The following STMN3 variants were observed in gnomAD, a reference collection of about 807,000 sequenced individuals.
STMN3 encodes the protein stathmin 3.
A neutral mutation model predicts 23.2 loss-of-function variants in STMN3; 24 were observed. The observed-to-expected ratio is 1.03, with a 90% confidence interval of 0.75 to 1.45. The LOEUF (loss-of-function observed/expected upper bound fraction) is 1.45. Ranked by LOEUF, STMN3 falls within the 40% of genes most tolerant of loss-of-function variation. STMN3 has a pLI of 0.00. For missense variants in STMN3, 235 were observed against 237.6 expected, an observed-to-expected ratio of 0.99 and a Z score of 0.07; for synonymous variants, 117 against 103.4, an observed-to-expected ratio of 1.13 and a Z score of -0.80.
intron 1 of STMN3, 43 bp from the exon 2 acceptor site, chr20:63,644,352 G>T (rs930174688): frequency 4.2e-5 from 63 of 1,490,240 alleles, no homozygotes; most frequent in Non-Finnish European, 5.3e-5. Flanking sequence ...ACTGGGGCCT[G>T]CCCACCTGGG....
chr20:63,645,620 T>C (rs1424790583), intron 1 of STMN3, among the ~76,000 whole-genome samples: 1 of 152,214 alleles, frequency 6.6e-6, no homozygotes, highest in East Asian at 1.9e-4. Flanking sequence ...ACCTCATTCC[T>C]AAGCAGACAC....
Position 63,641,033 on chromosome 20 carries a change from C to A in STMN3, c.*305G>T. 2.1e-6 allele frequency: 1 copy of A among 481,770 alleles called. No individual in the cohort carries two copies. The highest frequency in any genetic ancestry group is 3.9e-5 in the East Asian group (1 of 25,956). The allele number at this position is 481,770 out of a possible 1,614,324, so 29.8% of individuals were successfully genotyped here. ...CGTAAGGACCCGTGATCCCACGCCA[C>A]CGCCCTGGGTTTACCACGGTCACCG... On this transcript the variant is annotated 3_prime_UTR_variant, in exon 5 of 5. Transcript: ENST00000370053.
chr20:63,647,993 C>CACAG (rs199738773), intron 1 of STMN3, among the ~76,000 whole-genome samples: 917 of 87,078 alleles, frequency 0.011, 42 homozygotes, highest in Middle Eastern at 0.035. Context: ...TATATATATA[C>CACAG]AGAGAGAGAG....
chr20:63,643,348 C>G (rs1294048361), intron 3 of STMN3, among the ~76,000 whole-genome samples: 1 of 152,176 alleles, frequency 6.6e-6, no homozygotes, highest in Non-Finnish European at 1.5e-5. Context: ...GTGGCGCAGT[C>G]TCGGCTCACT....
At position 63,644,669 on chromosome 20, in the gene STMN3, A is replaced by G. The variant is rs555765965; in HGVS notation, c.20-360T>C. On this transcript the variant is annotated intron_variant, in intron 1 of 4. Coordinates refer to ENST00000370053, the MANE Select transcript of STMN3 (RefSeq NM_015894.4). ...CCATTACCCAAAACTCATGTGTTGA[A>G]ATCGTAACCCCAAGGTGCCGGTGTG... Among the ~76,000 whole-genome samples, 32 of 152,260 alleles carry G rather than the reference A, an allele frequency of 2.1e-4. No homozygotes were observed. The East Asian group carries it at 6.0e-3, about 28-fold the overall frequency.
At chr20:63,641,631 C>G (rs2146112333) in intron 4 of STMN3, among the ~76,000 whole-genome samples, 1 of 152,312 alleles carries the variant, frequency 6.6e-6, no homozygotes, top group South Asian at 2.1e-4. Context: ...TAGCTCGTAC[C>G]GGAGCCGAGC....
rs1321807965 is a variant in STMN3, at chr20:63,640,045, A to G, written c.*1293T>C. 6.5e-6 allele frequency: 1 copy of G among 152,986 alleles called. No homozygotes were observed. The highest frequency in any genetic ancestry group is 1.9e-4 in the East Asian group (1 of 5,318). The allele number at this position is 152,986 out of a possible 1,614,324, so 9.5% of individuals were successfully genotyped here. On this transcript the variant is annotated 3_prime_UTR_variant, in exon 5 of 5. Transcript: ENST00000370053. Reference sequence around the variant, plus strand: ...GGGTGTGACTCTGGAAGACACTGGCAGTGCCCGGCCAAGGCCTCCCGCAGG... The same window carrying G: ...GGGTGTGACTCTGGAAGACACTGGCGGTGCCCGGCCAAGGCCTCCCGCAGG...
chr20:63,645,489 GCTGC>G (rs1285379875), intron 1 of STMN3, among the ~76,000 whole-genome samples: 4 of 152,206 alleles, frequency 2.6e-5, no homozygotes, highest in Non-Finnish European at 5.9e-5. Context: ...CAGTGTCCCT[GCTGC>G]CCAACCCAAA....
At chr20:63,653,003 C>A (rs1436880055) in intron 1 of STMN3, among the ~76,000 whole-genome samples, 1 of 151,990 alleles carries the variant, frequency 6.6e-6, no homozygotes, top group Non-Finnish European at 1.5e-5. Context: ...GCGCGCCCAC[C>A]CGGTCGCGAG....
intron 1 of STMN3, among the ~76,000 whole-genome samples, chr20:63,647,577 C>T (rs1397340459): frequency 6.7e-6 from 1 of 149,486 alleles, no homozygotes; most frequent in Non-Finnish European, 1.5e-5. Context: ...GATCACGCCA[C>T]TGCACTCCAG....
chr20:63,652,591 CG>C lies in STMN3; in HGVS notation c.19+735del. ...GCGCTACCTTCGAAGGCGGTGGGTC[CG>C]CCCCGCGGGAGGTGGAGGGGCGGGA... On this transcript the variant is annotated intron_variant, in intron 1 of 4. Coordinates refer to ENST00000370053, the MANE Select transcript of STMN3 (RefSeq NM_015894.4). The surrounding 1 kb of genome is among the most constrained non-coding windows in gnomAD (Gnocchi z 5.3). The C allele has an allele frequency of 2.0e-6, 2 of 985,378 alleles. No homozygotes were observed. Among genetic ancestry groups the C allele is most frequent in the South Asian group, 9.4e-5 (2 of 21,294 alleles). The allele number at this position is 985,378 out of a possible 1,614,324, so 61.0% of individuals were successfully genotyped here.
intron 3 of STMN3, chr20:63,643,523 T>G (rs891964584): frequency 3.8e-6 from 2 of 529,328 alleles, no homozygotes; most frequent in African/African-American, 4.2e-5. Flanking sequence ...TCAAGTGATC[T>G]GCCTGCCTCA....
chr20:63,648,128 TA>T (rs1441790587), intron 1 of STMN3, among the ~76,000 whole-genome samples: 1 of 150,724 alleles, frequency 6.6e-6, no homozygotes, highest in African/African-American at 2.4e-5. Context: ...CCTAGCCTAT[TA>T]AAAATTAATG....
chr20:63,639,866 C>G lies in STMN3; in HGVS notation c.*1472G>C, dbSNP rs2089745285. 1 of 152,408 alleles carries G rather than the reference C, an allele frequency of 6.6e-6. No individual in the cohort carries two copies. The highest frequency in any genetic ancestry group is 2.4e-5 in the African/African-American group (1 of 41,454). 9.4% of individuals were successfully genotyped at this position (152,408 alleles called of 1,614,324 possible). On this transcript the variant is annotated 3_prime_UTR_variant, in exon 5 of 5. Coordinates refer to ENST00000370053, the MANE Select transcript of STMN3 (RefSeq NM_015894.4). ...CCAGCCCTCAGTTCTGCTTCCCTTT[C>G]TGAGTCCCACAAAAGCCAGATGTGG... is the stretch of plus-strand genomic sequence containing the variant.
chr20:63,641,218 G>T lies in STMN3; in HGVS notation c.*120C>A. The T allele has an allele frequency of 2.3e-6, 2 of 863,238 alleles. No homozygotes were observed. Among genetic ancestry groups the T allele is most frequent in the Non-Finnish European group, 3.8e-6 (2 of 532,838 alleles). 53.5% of individuals were successfully genotyped at this position (863,238 alleles called of 1,614,324 possible). Reference sequence around the variant, plus strand: ...GCGGCTGAGTGCGGAAGAGAAGCATGAAGCTGGGGGCGGGGGTGGGGGAGG... The same window carrying T: ...GCGGCTGAGTGCGGAAGAGAAGCATTAAGCTGGGGGCGGGGGTGGGGGAGG... On this transcript the variant is annotated 3_prime_UTR_variant, in exon 5 of 5. Transcript: ENST00000370053.
chr20:63,651,425 C>T (rs1457583974), intron 1 of STMN3, among the ~76,000 whole-genome samples: 1 of 152,154 alleles, frequency 6.6e-6, no homozygotes, highest in Non-Finnish European at 1.5e-5. Flanking sequence ...GGCCAGGGGA[C>T]CACAGTGGCC....
chr20:63,645,974 A>T (rs1056585344), intron 1 of STMN3, among the ~76,000 whole-genome samples: 1 of 151,958 alleles, frequency 6.6e-6, no homozygotes, highest in Non-Finnish European at 1.5e-5. Flanking sequence ...AAAAAGAGAG[A>T]GAGGAAGAAA....
rs1184359321 is a variant in STMN3 at position 63,642,216 on chromosome 20, A to G, written c.375T>C (p.Asn125=). 1 of 1,562,122 alleles carries G rather than the reference A, an allele frequency of 6.4e-7. No homozygotes were observed. The stretch of plus-strand genomic sequence containing the variant: ...CCTCCGCCTGGCGGCTGAAGTTGTT[A>G]TTCTCCTCCAGCGCCTTGTGCAGCA... ...REVLHKALEE[N]NNFSRQAEEK... is the part of the protein sequence containing the mutation. Residue 125 remains asparagine (N), a synonymous_variant, in exon 4 of 5, where the codon AAT becomes AAC. Coordinates refer to ENST00000370053, the MANE Select transcript of STMN3 (RefSeq NM_015894.4).
In STMN3 at chr20:63,653,410, G is replaced by T. The variant is rs1466214523; in HGVS notation, c.-65C>A. ...GCAAGTGGCGGCCGGAGCTGCAGACGGCTGGTGCTGCAGTGCCGGGGAGGG... is the reference window on the plus strand; with the variant it reads ...GCAAGTGGCGGCCGGAGCTGCAGACTGCTGGTGCTGCAGTGCCGGGGAGGG... On this transcript the variant is annotated 5_prime_UTR_variant, in exon 1 of 5. Transcript: ENST00000370053. 3 of 1,512,600 alleles carry T rather than the reference G, an allele frequency of 2.0e-6. No homozygotes were observed. Among genetic ancestry groups the T allele is most frequent in the East Asian group, 5.3e-5 (2 of 37,956 alleles). The allele number at this position is 1,512,600 out of a possible 1,614,324, so 93.7% of individuals were successfully genotyped here.
Sources: allele counts gnomAD v4.1 joint callset (sites outside exome capture counted in the v4.1 genomes callset), GRCh38; gene constraint gnomAD v4.1.1; non-coding constraint Gnocchi (gnomAD v3.1); transcripts MANE v1.5; gene names NCBI Gene and HGNC (gene_info 2026-07-23, HGNC 2026-07-21).